DPYD: variants seen among roughly 807,000 people sequenced by gnomAD.
The protein encoded by DPYD is dihydropyrimidine dehydrogenase [NADP(+)].
Under a neutral mutation model 116.2 loss-of-function variants are expected in DPYD, and 109 were observed. That is an observed-to-expected ratio of 0.94 (90% CI 0.80 to 1.10). DPYD has a LOEUF of 1.10. Ranked by LOEUF, DPYD falls within the 50% of genes least tolerant of loss-of-function variation. DPYD has a pLI of 0.00. For synonymous variants in DPYD, 440 were observed against 432.0 expected, an observed-to-expected ratio of 1.02 and a Z score of -0.23; for missense variants, 1,302 against 1,254.5, an observed-to-expected ratio of 1.04 and a Z score of -0.57.
chr1:97,494,976 G>A (rs888874788), intron 13 of DPYD, among the ~76,000 whole-genome samples: 1 of 152,116 alleles, frequency 6.6e-6, no homozygotes, highest in African/African-American at 2.4e-5. Flanking sequence ...GGCACCCTCA[G>A]GCAGTTTTAC....
At chr1:97,536,315 C>G (rs1333576693) in intron 12 of DPYD, among the ~76,000 whole-genome samples, 16 of 152,174 alleles carry the variant, frequency 1.1e-4, no homozygotes, top group Non-Finnish European at 2.4e-4. Flanking sequence ...TATTGATATT[C>G]ATTGTTTTTC....
At chr1:97,139,893 C>A (rs921838782) in intron 20 of DPYD, among the ~76,000 whole-genome samples, 2 of 152,098 alleles carry the variant, frequency 1.3e-5, no homozygotes, top group Non-Finnish European at 2.9e-5. Flanking sequence ...ATTGATAGCC[C>A]AGAAAAAGTG....
chr1:97,536,226 C>T (rs1489678326), intron 12 of DPYD, among the ~76,000 whole-genome samples: 1 of 152,168 alleles, frequency 6.6e-6, no homozygotes, highest in Non-Finnish European at 1.5e-5. Flanking sequence ...CAGCATTTAG[C>T]CATGACATAC....
intron 13 of DPYD, among the ~76,000 whole-genome samples, chr1:97,493,540 T>C (rs1164270974): frequency 1.3e-5 from 2 of 152,180 alleles, no homozygotes; most frequent in Non-Finnish European, 1.5e-5. Flanking sequence ...TAAACTTGGT[T>C]AATGTCAGGT....
intron 19 of DPYD, among the ~76,000 whole-genome samples, chr1:97,210,243 T>A (rs1380667538): frequency 3.3e-5 from 5 of 152,044 alleles, no homozygotes; most frequent in African/African-American, 1.2e-4. Context: ...ATGTAGAGCG[T>A]TTTTTTCCCT....
intron 11 of DPYD, among the ~76,000 whole-genome samples, chr1:97,554,809 G>C (rs959592708): frequency 3.9e-5 from 6 of 151,980 alleles, no homozygotes; most frequent in African/African-American, 1.4e-4. Context: ...AAGATTCATT[G>C]TTTTCCTTCT....
chr1:97,258,311 C>T (rs1048468568), intron 18 of DPYD, among the ~76,000 whole-genome samples: 2 of 152,184 alleles, frequency 1.3e-5, no homozygotes, highest in African/African-American at 4.8e-5. Context: ...TGTCCCAGGG[C>T]CTCTCCTGCC....
intron 16 of DPYD, among the ~76,000 whole-genome samples, chr1:97,323,767 A>C (rs888003079): frequency 6.6e-6 from 1 of 150,482 alleles, no homozygotes; most frequent in Non-Finnish European, 1.5e-5. Context: ...AAATCCACAG[A>C]GAACAACACT....
At chr1:97,653,248 T>C (rs1382630465) in intron 8 of DPYD, among the ~76,000 whole-genome samples, 1 of 151,892 alleles carries the variant, frequency 6.6e-6, no homozygotes, top group Non-Finnish European at 1.5e-5. Context: ...AATGAAAGAA[T>C]GGAATCAGGT....
At chr1:97,895,049 T>C (rs901061026) in intron 1 of DPYD, among the ~76,000 whole-genome samples, 1 of 151,772 alleles carries the variant, frequency 6.6e-6, no homozygotes, top group Non-Finnish European at 1.5e-5. Flanking sequence ...AATTCACCAG[T>C]TCATTGGGTA....
chr1:97,799,131 CACTG>C (rs1324708242), intron 3 of DPYD, among the ~76,000 whole-genome samples: 3 of 151,984 alleles, frequency 2.0e-5, no homozygotes, highest in African/African-American at 7.2e-5. Flanking sequence ...ACTTCATCCA[CACTG>C]ACTTCTTTAG....
intron 18 of DPYD, among the ~76,000 whole-genome samples, chr1:97,270,952 G>A (rs1366037560): frequency 6.6e-6 from 1 of 152,208 alleles, no homozygotes; most frequent in Non-Finnish European, 1.5e-5. Flanking sequence ...ACATTTCTGT[G>A]CTGAAAGAAC....
At chr1:97,749,692 A>G (rs948766519) in intron 3 of DPYD, among the ~76,000 whole-genome samples, 1 of 152,132 alleles carries the variant, frequency 6.6e-6, no homozygotes, top group African/African-American at 2.4e-5. Context: ...TTACAGTCCA[A>G]TCATTTTATA....
At position 97,283,278 on chromosome 1, in the gene DPYD, C is replaced by T. The variant is rs369049885; in HGVS notation, c.2299+21981G>A. Among the ~76,000 whole-genome samples the T allele has an allele frequency of 3.6e-4, 54 of 152,012 alleles. No individual in the cohort carries two copies. The East Asian group carries it at 7.3e-3, about 21-fold the overall frequency. ...TGGTTTGAGTGTCTTCTTTTATATG[C>T]GATATTCTTGGAAATACGAAGACTA... On this transcript the variant is annotated intron_variant, in intron 18 of 22. Transcript: ENST00000370192.
chr1:97,102,396 CATATATATATAT>C lies in DPYD; in HGVS notation c.2623-3776_2623-3765del, dbSNP rs372249411. Among the ~76,000 whole-genome samples the C allele has an allele frequency of 5.1e-5, 5 of 97,302 alleles. 1 individual carries two copies. Among genetic ancestry groups the C allele is most frequent in the South Asian group, 3.5e-4 (1 of 2,890 alleles). The allele number at this position is 97,302 out of a possible 152,430, so 63.8% of individuals were successfully genotyped here. A position where few individuals can be genotyped will look rare whatever the true frequency, so the allele number is the denominator to read the frequency against. ...TATATCAGAATATATCACTCAGTAT[CATATATATATAT>C]ATATATATATATGTATATATGTATC... On this transcript the variant is annotated intron_variant, in intron 20 of 22. Coordinates refer to ENST00000370192, the MANE Select transcript of DPYD (RefSeq NM_000110.4).
At chr1:97,877,969 G>C (rs1484764062) in intron 2 of DPYD, among the ~76,000 whole-genome samples, 1 of 151,930 alleles carries the variant, frequency 6.6e-6, no homozygotes, top group Non-Finnish European at 1.5e-5. Context: ...CAAACATTAA[G>C]TATAATTTCC....
At chr1:97,697,793 TAATCTACC>T (rs1449586225) in intron 6 of DPYD, among the ~76,000 whole-genome samples, 1 of 152,020 alleles carries the variant, frequency 6.6e-6, no homozygotes, top group Non-Finnish European at 1.5e-5. Context: ...CTAACAACAG[TAATCTACC>T]AAAATTGGCA....
At chr1:97,560,263 G>A (rs1296399590) in intron 11 of DPYD, among the ~76,000 whole-genome samples, 1 of 152,140 alleles carries the variant, frequency 6.6e-6, no homozygotes, top group South Asian at 2.1e-4. Flanking sequence ...AGAGTTACGT[G>A]AGAATCAAAA....
intron 8 of DPYD, among the ~76,000 whole-genome samples, chr1:97,657,750 A>G (rs991570742): frequency 1.3e-5 from 2 of 152,212 alleles, no homozygotes; most frequent in Non-Finnish European, 2.9e-5. Context: ...CAGAAAACTG[A>G]TAATTCAACA....
Sources: allele counts gnomAD v4.1 joint callset (sites outside exome capture counted in the v4.1 genomes callset), GRCh38; gene constraint gnomAD v4.1.1; transcripts MANE v1.5; gene names NCBI Gene and HGNC (gene_info 2026-07-23, HGNC 2026-07-21).